The following ZCWPW2 variants were observed in gnomAD, a reference collection of about 807,000 sequenced individuals.
The protein encoded by ZCWPW2 is zinc finger CW-type PWWP domain protein 2.
Under a neutral mutation model 46.6 loss-of-function variants are expected in ZCWPW2, and 45 were observed. That is an observed-to-expected ratio of 0.96 (90% CI 0.76 to 1.24). ZCWPW2 has a LOEUF of 1.24. Ranked by LOEUF, ZCWPW2 falls within the 50% of genes most tolerant of loss-of-function variation. The pLI, the probability that ZCWPW2 is intolerant of heterozygous loss-of-function variation, is 0.00. For missense variants in ZCWPW2, 429 were observed against 403.9 expected (o/e 1.06, Z -0.53); for synonymous variants, 152 against 137.1 (o/e 1.11, Z -0.76).
intron 3 of ZCWPW2, among the ~76,000 whole-genome samples, chr3:28,417,180 GA>G (rs1276382089): frequency 1.3e-5 from 2 of 151,792 alleles, no homozygotes; most frequent in African/African-American, 4.8e-5. Context: ...AGACAAAGGG[GA>G]TATCACCACT....
chr3:28,460,252 CTTTTTTTTTT>C (rs75406240), intron 4 of ZCWPW2, among the ~76,000 whole-genome samples: 9 of 125,430 alleles, frequency 7.2e-5, no homozygotes, highest in Admixed American at 4.1e-4. Context: ...CAGAGCTAGA[CTTTTTTTTTT>C]TTTTTTTTAG....
chr3:28,357,389 G>A (rs1575041360), intron 1 of ZCWPW2, among the ~76,000 whole-genome samples: 2 of 152,200 alleles, frequency 1.3e-5, no homozygotes, highest in East Asian at 3.9e-4. Context: ...CAACTTGAAT[G>A]TGTGCCGTGG....
chr3:28,384,820 T>C (rs1695216618), intron 1 of ZCWPW2, among the ~76,000 whole-genome samples: 1 of 152,132 alleles, frequency 6.6e-6, no homozygotes. Flanking sequence ...TTTACCATGT[T>C]GGCCAGGCTG....
intron 3 of ZCWPW2, among the ~76,000 whole-genome samples, chr3:28,426,855 T>G (rs1697033667): frequency 6.6e-6 from 1 of 152,226 alleles, no homozygotes; most frequent in Non-Finnish European, 1.5e-5. Flanking sequence ...TATTTCTAAT[T>G]GGCTACATGG....
intron 6 of ZCWPW2, among the ~76,000 whole-genome samples, chr3:28,499,224 CTG>C (rs1700078871): frequency 1.3e-5 from 2 of 152,176 alleles, no homozygotes; most frequent in African/African-American, 2.4e-5. Context: ...AATCACCACA[CTG>C]TCTTCCACAG....
intron 1 of ZCWPW2, among the ~76,000 whole-genome samples, chr3:28,383,317 AT>A (rs1311338852): frequency 7.6e-5 from 11 of 144,528 alleles, no homozygotes; most frequent in African/African-American, 2.7e-4. Context: ...TATTGGAAAA[AT>A]AAAACATGCA....
intron 1 of ZCWPW2, among the ~76,000 whole-genome samples, chr3:28,371,650 C>G (rs998092483): frequency 6.6e-6 from 1 of 151,902 alleles, no homozygotes; most frequent in Non-Finnish European, 1.5e-5. Context: ...CAGAGAAAGA[C>G]CCATCTCAAG....
intron 1 of ZCWPW2, among the ~76,000 whole-genome samples, chr3:28,388,397 C>CA (rs1695359160): frequency 6.6e-6 from 1 of 152,172 alleles, no homozygotes; most frequent in African/African-American, 2.4e-5. Context: ...AAGACTCTAA[C>CA]AAGATCGTAC....
chr3:28,352,562 G>A (rs1003797769), intron 1 of ZCWPW2, among the ~76,000 whole-genome samples: 1 of 152,152 alleles, frequency 6.6e-6, no homozygotes, highest in African/African-American at 2.4e-5. Context: ...GGCAAAATTG[G>A]TGAGTTACAG....
intron 3 of ZCWPW2, among the ~76,000 whole-genome samples, chr3:28,420,561 A>G (rs1407883252): frequency 1.4e-5 from 2 of 147,356 alleles, no homozygotes; most frequent in Non-Finnish European, 3.0e-5. Context: ...ACTTTTTTTT[A>G]GTTTTTAATT....
chr3:28,498,607 A>G (rs1343803529), intron 6 of ZCWPW2, among the ~76,000 whole-genome samples: 1 of 152,000 alleles, frequency 6.6e-6, no homozygotes, highest in Non-Finnish European at 1.5e-5. Flanking sequence ...TCTCAGACTT[A>G]CAATAGTATC....
chr3:28,493,640 T>C (rs1699901336), intron 6 of ZCWPW2, among the ~76,000 whole-genome samples: 1 of 74,084 alleles, frequency 1.3e-5, no homozygotes, highest in Admixed American at 1.8e-4. Flanking sequence ...AGCAGCATGA[T>C]TTATAGTCAT....
rs374015045 is a variant in ZCWPW2 at position 28,368,410 on chromosome 3, A to C, written c.-134+19207A>C. On this transcript the variant is annotated intron_variant, in intron 1 of 9. Transcript: ENST00000383768. ...CTGTAAATAATTTTATTTCTTCTTCACTTATGAAGCTTAGTTTGGCTGGAT... is the reference window on the plus strand; with the variant it reads ...CTGTAAATAATTTTATTTCTTCTTCCCTTATGAAGCTTAGTTTGGCTGGAT... 1.7e-4 allele frequency among the ~76,000 whole-genome samples: 26 copies of C among 152,198 alleles called. No individual in the cohort carries two copies. In the East Asian group the frequency reaches 4.6e-3, roughly 27 times the overall value.
At chr3:28,491,763 A>G (rs1053544392) in intron 5 of ZCWPW2, among the ~76,000 whole-genome samples, 1 of 152,118 alleles carries the variant, frequency 6.6e-6, no homozygotes, top group East Asian at 1.9e-4. Flanking sequence ...TAATAGATAG[A>G]TATGAAAATG....
intron 4 of ZCWPW2, among the ~76,000 whole-genome samples, chr3:28,450,345 T>C (rs1451723577): frequency 6.6e-6 from 1 of 152,200 alleles, no homozygotes; most frequent in African/African-American, 2.4e-5. Flanking sequence ...CCAATAGTAA[T>C]CAGTTTAACT....
At chr3:28,517,675 A>G (rs1700610242) in intron 8 of ZCWPW2, among the ~76,000 whole-genome samples, 1 of 152,224 alleles carries the variant, frequency 6.6e-6, no homozygotes, top group African/African-American at 2.4e-5. Flanking sequence ...AGGAGGAAAC[A>G]GCTTCTTAAA....
At chr3:28,518,021 A>G (rs1464803273) in intron 8 of ZCWPW2, among the ~76,000 whole-genome samples, 2 of 151,698 alleles carry the variant, frequency 1.3e-5, no homozygotes, top group Non-Finnish European at 2.9e-5. Context: ...CTGTAGTCCC[A>G]GCTACTTGGG....
At chr3:28,451,249 T>C (rs1698213667) in intron 4 of ZCWPW2, among the ~76,000 whole-genome samples, 1 of 152,178 alleles carries the variant, frequency 6.6e-6, no homozygotes, top group East Asian at 1.9e-4. Flanking sequence ...AAACATAATA[T>C]TTAAAGTCTA....
chr3:28,413,290 TGAA>T lies in ZCWPW2; in HGVS notation c.228_230del (p.Glu76del), dbSNP rs1223193374. 8.7e-6 allele frequency: 14 copies of T among 1,613,198 alleles called. No individual in the cohort carries two copies. The highest frequency in any genetic ancestry group is 1.2e-5 in the Non-Finnish European group (14 of 1,179,536). On this transcript the variant is annotated inframe_deletion, in exon 3 of 10. Coordinates refer to ENST00000383768, the MANE Select transcript of ZCWPW2 (RefSeq NM_001040432.4). ...CAAGATATAATAACTGCTCAATTTCTGAAGAAGACTTCCCTGAAGAGTCTCAGC... is the reference window on the plus strand; with the variant it reads ...CAAGATATAATAACTGCTCAATTTCTGAAGACTTCCCTGAAGAGTCTCAGC...
Sources: gnomAD v4.1 joint callset for allele counts (sites outside exome capture counted in the v4.1 genomes callset) on GRCh38, gnomAD v4.1.1 for gene constraint, MANE v1.5 for transcripts, NCBI Gene and HGNC (gene_info 2026-07-23, HGNC 2026-07-21) for gene names.